Variants in NF1 observed in about 807,000 individuals in gnomAD.
The protein encoded by NF1 is neurofibromin 1, also known as neurofibromin.
Under a neutral mutation model 325.7 loss-of-function variants are expected in NF1, and 122 were observed. That is an observed-to-expected ratio of 0.37 (90% CI 0.32 to 0.44). The LOEUF is 0.44. Ranked by LOEUF, NF1 falls within the 20% of genes least tolerant of loss-of-function variation. The pLI, the probability that NF1 is intolerant of heterozygous loss-of-function variation, is 1.00. For synonymous variants in NF1, 1,091 were observed against 1,186.0 expected, an observed-to-expected ratio of 0.92 and a Z score of 1.65; for missense variants, 2,140 against 3,415.4, an observed-to-expected ratio of 0.63 and a Z score of 9.31.
intron 5 of NF1, among the ~76,000 whole-genome samples, chr17:31,178,591 C>T (rs113216133): frequency 0.11 from 17,351 of 152,140 alleles, 2,838 homozygotes; most frequent in African/African-American, 0.37. Flanking sequence ...AGTCAAGACC[C>T]ATCACTGTGC....
rs2905807 is a variant in NF1, at chr17:31,169,801, C to T, written c.480-90C>T. 0.65 allele frequency: 576,597 copies of T among 892,638 alleles called. 194,057 individuals carry two copies. The highest frequency in any genetic ancestry group is 0.76 in the Middle Eastern group (2,390 of 3,164). The allele number at this position is 892,638 out of a possible 1,614,324, so 55.3% of individuals were successfully genotyped here. Reference sequence around the variant, plus strand: ...CCTCAAGTGGTCCTCCTGCCTTGGCCTCCTGAAGTGCTGGGATTACAGGTG... The same window carrying T: ...CCTCAAGTGGTCCTCCTGCCTTGGCTTCCTGAAGTGCTGGGATTACAGGTG... On this transcript the variant is annotated intron_variant, in intron 4 of 57. Coordinates refer to ENST00000358273, the MANE Select transcript of NF1 (RefSeq NM_001042492.3).
intron 52 of NF1, 121 bp downstream of exon 52, chr17:31,356,703 T>A (rs987505236): frequency 7.1e-7 from 1 of 1,404,476 alleles, no homozygotes; most frequent in Non-Finnish European, 9.8e-7. Flanking sequence ...CGTTTGCCAT[T>A]TCTCAAAAGA....
At chr17:31,240,081 A>G (rs2067269021) in intron 29 of NF1, among the ~76,000 whole-genome samples, 1 of 152,094 alleles carries the variant, frequency 6.6e-6, no homozygotes, top group Non-Finnish European at 1.5e-5. Context: ...TCTTTATGTT[A>G]CATACAATCC....
intron 57 of NF1, among the ~76,000 whole-genome samples, chr17:31,368,510 G>A (rs1057338416): frequency 7.2e-5 from 11 of 151,960 alleles, no homozygotes; most frequent in Admixed American, 5.2e-4. Flanking sequence ...TATTTAATAC[G>A]CCTCCATGAA....
chr17:31,268,356 C>T (rs1453519456), intron 36 of NF1, among the ~76,000 whole-genome samples: 3 of 151,760 alleles, frequency 2.0e-5, no homozygotes, highest in African/African-American at 4.8e-5. Flanking sequence ...TGGCTGGGCG[C>T]GGTGGCTCAT....
intron 31 of NF1, among the ~76,000 whole-genome samples, chr17:31,254,587 G>GTTCA (rs1399417814): frequency 2.0e-5 from 3 of 152,008 alleles, no homozygotes; most frequent in African/African-American, 7.3e-5. Flanking sequence ...TAACACTCTT[G>GTTCA]TTCAGTGTTA....
At chr17:31,243,338 G>A (rs1414854514) in intron 29 of NF1, among the ~76,000 whole-genome samples, 1 of 151,982 alleles carries the variant, frequency 6.6e-6, no homozygotes, top group African/African-American at 2.4e-5. Context: ...GTTCACTCAA[G>A]GCCCAAAGGC....
intron 1 of NF1, among the ~76,000 whole-genome samples, chr17:31,098,941 A>AC: frequency 6.6e-6 from 1 of 151,776 alleles, no homozygotes; most frequent in South Asian, 2.1e-4. Flanking sequence ...CAGAAAAAAA[A>AC]AAAAAAAAAA....
rs566462004 is a variant in NF1 at position 31,363,922 on chromosome 17, G to A, written c.8377+3219G>A. Among the ~76,000 whole-genome samples the A allele has an allele frequency of 9.3e-5, 14 of 150,976 alleles. No homozygotes were observed. In the South Asian group the frequency reaches 2.5e-3, roughly 27 times the overall value. On this transcript the variant is annotated intron_variant, in intron 57 of 57. Coordinates refer to ENST00000358273, the MANE Select transcript of NF1 (RefSeq NM_001042492.3). ...CGCCTGGCTAATTATTGTATTTTTA[G>A]TAGAAACCCGGTTTCCCCATGTTGA...
intron 38 of NF1, among the ~76,000 whole-genome samples, chr17:31,329,719 A>C (rs1364000761): frequency 6.6e-6 from 1 of 152,196 alleles, no homozygotes; most frequent in Non-Finnish European, 1.5e-5. Flanking sequence ...GAAAAATGGG[A>C]GGACTTAATT....
intron 31 of NF1, 119 bp from the exon 32 acceptor site, chr17:31,258,220 TATGTC>T (rs2067617116): frequency 2.0e-6 from 2 of 985,114 alleles, no homozygotes; most frequent in Non-Finnish European, 3.2e-6. Context: ...AAAATAGAAA[TATGTC>T]ATTCATGAGG....
intron 40 of NF1, among the ~76,000 whole-genome samples, chr17:31,335,844 A>G (rs1488650479): frequency 3.0e-5 from 4 of 134,182 alleles, no homozygotes; most frequent in Non-Finnish European, 3.2e-5. Context: ...ACACCTGGCT[A>G]ATTTTTGTAT....
intron 1 of NF1, among the ~76,000 whole-genome samples, chr17:31,126,287 C>T (rs1229794555): frequency 1.3e-5 from 2 of 152,114 alleles, no homozygotes; most frequent in African/African-American, 2.4e-5. Context: ...GGTTTAGTTT[C>T]TTTTCGGATA....
At chr17:31,149,281 C>T (rs548451386) in intron 1 of NF1, among the ~76,000 whole-genome samples, 164 of 150,902 alleles carry the variant, frequency 1.1e-3, no homozygotes, top group South Asian at 2.3e-3. Context: ...TACATGTACA[C>T]ACACACACAT....
intron 46 of NF1, among the ~76,000 whole-genome samples, chr17:31,339,288 T>C (rs571075361): frequency 3.6e-4 from 55 of 152,154 alleles, no homozygotes; most frequent in Non-Finnish European, 7.4e-4. Flanking sequence ...GTATACTTGA[T>C]CGTCATAAGA....
Position 31,214,604 on chromosome 17 carries a change from A to G in NF1, c.1527+19A>G, listed in dbSNP as rs1421192902. The G allele has an allele frequency of 2.5e-6, 4 of 1,611,140 alleles. No individual in the cohort carries two copies. Among genetic ancestry groups the G allele is most frequent in the Non-Finnish European group, 3.4e-6 (4 of 1,178,012 alleles). On this transcript the variant is annotated intron_variant, in intron 13 of 57. Transcript: ENST00000358273. ...GCTTTGTGTAAGTATTTTTTTATGAAATGTCTCAAAATTATCACACTAAGT... is the reference window on the plus strand; with the variant it reads ...GCTTTGTGTAAGTATTTTTTTATGAGATGTCTCAAAATTATCACACTAAGT...
At chr17:31,154,878 T>C (rs1000431570) in intron 1 of NF1, among the ~76,000 whole-genome samples, 1 of 151,936 alleles carries the variant, frequency 6.6e-6, no homozygotes, top group African/African-American at 2.4e-5. Flanking sequence ...TAGCTTGGAT[T>C]ACAGGCACGT....
At chr17:31,132,191 A>G (rs1433146044) in intron 1 of NF1, among the ~76,000 whole-genome samples, 1 of 151,350 alleles carries the variant, frequency 6.6e-6, no homozygotes, top group Non-Finnish European at 1.5e-5. Context: ...CTTGGCTTCC[A>G]AAAGTGCTAG....
rs116765609 is a variant in NF1 at position 31,210,730 on chromosome 17, T to A, written c.1393-3721T>A. Among the ~76,000 whole-genome samples the A allele has an allele frequency of 7.0e-3, 1,068 of 152,340 alleles. 11 individuals carry two copies. Among genetic ancestry groups the A allele is most frequent in the Middle Eastern group, 0.024 (7 of 294 alleles). On this transcript the variant is annotated intron_variant, in intron 12 of 57. Coordinates refer to ENST00000358273, the MANE Select transcript of NF1 (RefSeq NM_001042492.3). ...ATACAGATATAATACTATGATGTAA[T>A]AATTGATAAAAGCTATTAAACTGCT...
Sources: allele counts gnomAD v4.1 joint callset (sites outside exome capture counted in the v4.1 genomes callset), GRCh38; gene constraint gnomAD v4.1.1; transcripts MANE v1.5; gene names NCBI Gene and HGNC (gene_info 2026-07-23, HGNC 2026-07-21).